Variants in ZFYVE16 observed in about 807,000 individuals in gnomAD.
The protein encoded by ZFYVE16 is zinc finger FYVE domain-containing protein 16.
In ZFYVE16, 89 loss-of-function variants were observed where a neutral mutation model predicts 138.1. That is an observed-to-expected ratio of 0.64 (90% CI 0.54 to 0.77). The LOEUF (loss-of-function observed/expected upper bound fraction) is 0.77, where lower values mean the gene tolerates loss of function less well. Ranked by LOEUF, ZFYVE16 falls within the 30% of genes least tolerant of loss-of-function variation. The pLI is 0.00. For synonymous variants in ZFYVE16, 596 were observed against 618.3 expected, an observed-to-expected ratio of 0.96 and a Z score of 0.53; for missense variants, 1,793 against 1,786.7, an observed-to-expected ratio of 1.00 and a Z score of -0.06.
At chr5:80,418,301 GCCCTC>G (rs1374790700) in intron 1 of ZFYVE16, among the ~76,000 whole-genome samples, 901 of 29,720 alleles carry the variant, frequency 0.03, 21 homozygotes, top group African/African-American at 0.1. Flanking sequence ...CCCCTCCCCT[GCCCTC>G]CCCTCCCCTC....
At chr5:80,461,229 G>T (rs1753074282) in intron 15 of ZFYVE16, among the ~76,000 whole-genome samples, 1 of 152,138 alleles carries the variant, frequency 6.6e-6, no homozygotes, top group South Asian at 2.1e-4. Context: ...TCCAAAAAAA[G>T]TCTGAAATCT....
chr5:80,437,016 T>A lies in ZFYVE16; in HGVS notation c.331T>A (p.Ser111Thr), dbSNP rs1208951706. 6.2e-7 allele frequency: 1 copy of A among 1,614,198 alleles called. No homozygotes were observed. The highest frequency in any genetic ancestry group is 1.1e-5 in the South Asian group (1 of 91,090). Residue 111 changes from serine (S) to threonine (T), a missense_variant, in exon 4 of 19, where the codon TCA becomes ACA. By Grantham distance (58) the Ser-to-Thr change is moderately conservative. Coordinates refer to ENST00000505560, the MANE Select transcript of ZFYVE16 (RefSeq NM_001284236.3). ...TCTTTCTTCTGTGGATGGTGGTACT[T>A]CAGATGAAATCCAGCCGTTATATAT... The part of the protein sequence containing the change: ...DLLSSVDGGT[S>T]DEIQPLYMGR...
intron 11 of ZFYVE16, among the ~76,000 whole-genome samples, chr5:80,453,389 G>A (rs932528340): frequency 6.6e-6 from 1 of 152,142 alleles, no homozygotes; most frequent in Admixed American, 6.5e-5. Flanking sequence ...AAGATTAGGG[G>A]AATAAACTAG....
intron 2 of ZFYVE16, among the ~76,000 whole-genome samples, chr5:80,433,160 C>A (rs1204386986): frequency 3.3e-5 from 5 of 152,138 alleles, no homozygotes; most frequent in African/African-American, 1.2e-4. Context: ...CGGCACTACT[C>A]ACAATAGCAA....
intron 2 of ZFYVE16, among the ~76,000 whole-genome samples, chr5:80,428,004 T>C (rs189899272): frequency 0.031 from 3,985 of 130,398 alleles, 68 homozygotes; most frequent in Middle Eastern, 0.052. Context: ...AAAGATGCGG[T>C]TCCAAGATGG....
At chr5:80,430,031 G>A (rs1388075903) in intron 2 of ZFYVE16, among the ~76,000 whole-genome samples, 1 of 152,082 alleles carries the variant, frequency 6.6e-6, no homozygotes, top group Non-Finnish European at 1.5e-5. Context: ...ACAGATCCAC[G>A]AGACAGAAAG....
chr5:80,474,570 T>TA, intron 17 of ZFYVE16, 93 bp from the exon 18 acceptor site: 1 of 1,265,002 alleles, frequency 7.9e-7, no homozygotes, highest in Non-Finnish European at 1.1e-6. Context: ...TCATGGTACT[T>TA]ACATTGGAAT....
chr5:80,476,033 C>T (rs1322485315), intron 18 of ZFYVE16, among the ~76,000 whole-genome samples: 2 of 152,076 alleles, frequency 1.3e-5, no homozygotes, highest in African/African-American at 4.8e-5. Flanking sequence ...AGCCTCTGCC[C>T]CCTGGGTTCA....
chr5:80,438,113 A>C lies in ZFYVE16; in HGVS notation c.1428A>C (p.Thr476=), dbSNP rs772058119. The C allele has an allele frequency of 1.2e-6, 2 of 1,614,098 alleles. No homozygotes were observed. Among genetic ancestry groups the C allele is most frequent in the Non-Finnish European group, 1.7e-6 (2 of 1,179,970 alleles). Residue 476 remains threonine, a synonymous_variant, in exon 4 of 19, where the codon ACA becomes ACC. Transcript: ENST00000505560. ...ESLDGGDTSS[T]VVESQEGLSG... ...TGGATGGTGGTGACACCAGTTCTACAGTTGTAGAATCTCAAGAGGGGCTTT... is the reference window on the plus strand; with the variant it reads ...TGGATGGTGGTGACACCAGTTCTACCGTTGTAGAATCTCAAGAGGGGCTTT...
At chr5:80,471,484 T>A (rs1754372079) in intron 15 of ZFYVE16, among the ~76,000 whole-genome samples, 1 of 152,212 alleles carries the variant, frequency 6.6e-6, no homozygotes, top group South Asian at 2.1e-4. Flanking sequence ...TGTGACCATC[T>A]CACCTCATAA....
rs146013925 is a variant in ZFYVE16 at position 80,445,408 on chromosome 5, A to G, written c.2724+3A>G. ...CTCTCTCACCTGATGTGCCTATGGT[A>G]AGGAATTCAAAGAATAACTTAATTG... On this transcript the variant is annotated splice_donor_region_variant and intron_variant, in intron 7 of 18. Coordinates refer to ENST00000505560, the MANE Select transcript of ZFYVE16 (RefSeq NM_001284236.3). The G allele has an allele frequency of 4.0e-4, 638 of 1,608,252 alleles. 3 individuals are homozygous for G. In the East Asian group the frequency reaches 0.013, roughly 34 times the overall value.
intron 15 of ZFYVE16, among the ~76,000 whole-genome samples, chr5:80,469,440 C>A (rs1286034147): frequency 6.6e-6 from 1 of 151,952 alleles, no homozygotes; most frequent in Non-Finnish European, 1.5e-5. Context: ...ATGAGGTCTT[C>A]CTATATTGCC....
chr5:80,430,211 TA>T (rs1291490200), intron 2 of ZFYVE16, among the ~76,000 whole-genome samples: 1 of 152,126 alleles, frequency 6.6e-6, no homozygotes. Flanking sequence ...TCAGCAAATG[TA>T]AAAGAACAGA....
At chr5:80,440,420 G>T (rs1354663575) in intron 5 of ZFYVE16, 3 of 986,710 alleles carry the variant, frequency 3.0e-6, no homozygotes, top group South Asian at 9.4e-5. Context: ...CACAGGGCAA[G>T]ATAATAGTTC....
At chr5:80,442,790 C>A (rs966501798) in intron 5 of ZFYVE16, among the ~76,000 whole-genome samples, 3 of 152,202 alleles carry the variant, frequency 2.0e-5, no homozygotes, top group Non-Finnish European at 4.4e-5. Flanking sequence ...CTAAAAGAAT[C>A]TCTCTAAACT....
chr5:80,453,226 A>C (rs903345027), intron 11 of ZFYVE16, among the ~76,000 whole-genome samples: 12 of 152,302 alleles, frequency 7.9e-5, no homozygotes, highest in Middle Eastern at 3.4e-3. Context: ...GATGCTATTA[A>C]CTTGTGGGAA....
Position 80,479,159 on chromosome 5 carries a change from G to A in ZFYVE16, c.*1782G>A, listed in dbSNP as rs1755159744. On this transcript the variant is annotated 3_prime_UTR_variant, in exon 19 of 19. Transcript: ENST00000505560. ...TTGAAGTATTCTTTGTAGACATATA[G>A]TATGTTTCTGAATGTGTTTGTTACT... 1 of 152,096 alleles carries A rather than the reference G, an allele frequency of 6.6e-6. No individual in the cohort carries two copies. The highest frequency in any genetic ancestry group is 2.4e-5 in the African/African-American group (1 of 41,410). The allele number at this position is 152,096 out of a possible 1,614,324, so 9.4% of individuals were successfully genotyped here.
At chr5:80,415,701 T>G (rs1201339009) in intron 1 of ZFYVE16, among the ~76,000 whole-genome samples, 1 of 152,028 alleles carries the variant, frequency 6.6e-6, no homozygotes, top group Non-Finnish European at 1.5e-5. Flanking sequence ...GGAGTCTCCC[T>G]CTATCACCCA....
chr5:80,418,520 C>A (rs1746598958), intron 1 of ZFYVE16, among the ~76,000 whole-genome samples: 1 of 151,984 alleles, frequency 6.6e-6, no homozygotes, highest in African/African-American at 2.4e-5. Context: ...CTCTATGTTG[C>A]CCAGGCTGGT....
Sources: gnomAD v4.1 joint callset for allele counts (sites outside exome capture counted in the v4.1 genomes callset) on GRCh38, gnomAD v4.1.1 for gene constraint, MANE v1.5 for transcripts, NCBI Gene and HGNC (gene_info 2026-07-23, HGNC 2026-07-21) for gene names.